ROBO2: variants seen among roughly 807,000 people sequenced by gnomAD.
The protein encoded by ROBO2 is roundabout homolog 2.
In ROBO2, 53 loss-of-function variants were observed where a neutral mutation model predicts 160.8. The observed-to-expected ratio is 0.33, with a 90% CI of 0.26 to 0.41. The LOEUF is 0.41. ROBO2 is among the 10% of genes least tolerant of loss of function. ROBO2 has a pLI of 1.00. For synonymous variants in ROBO2, 664 were observed against 611.7 expected (o/e 1.09, Z -1.26); for missense variants, 1,577 against 1,722.4 (o/e 0.92, Z 1.49).
At chr3:76,198,294 AC>A (rs1702357433) in intron 2 of ROBO2, among the ~76,000 whole-genome samples, 1 of 151,782 alleles carries the variant, frequency 6.6e-6, no homozygotes, top group South Asian at 2.1e-4. Context: ...GATCAGACAT[AC>A]CTCATCACAC....
At chr3:76,134,471 T>A (rs1285533818) in intron 2 of ROBO2, among the ~76,000 whole-genome samples, 1 of 152,084 alleles carries the variant, frequency 6.6e-6, no homozygotes, top group Non-Finnish European at 1.5e-5. Context: ...GCAGATGTAT[T>A]AAGGTTACTA....
intron 2 of ROBO2, among the ~76,000 whole-genome samples, chr3:76,536,270 A>G (rs2082496245): frequency 6.6e-6 from 1 of 152,092 alleles, no homozygotes; most frequent in Admixed American, 6.5e-5. Flanking sequence ...ACTCTTCTCT[A>G]TTGTTGAACA....
chr3:76,210,109 G>T (rs1182659408), intron 2 of ROBO2, among the ~76,000 whole-genome samples: 1 of 152,024 alleles, frequency 6.6e-6, no homozygotes, highest in Non-Finnish European at 1.5e-5. Flanking sequence ...GCATGTTACA[G>T]GAATGACAAA....
intron 2 of ROBO2, among the ~76,000 whole-genome samples, chr3:76,545,980 T>G (rs2108291547): frequency 6.6e-6 from 1 of 151,952 alleles, no homozygotes; most frequent in African/African-American, 2.4e-5. Flanking sequence ...TATTTTTTGT[T>G]GTTACTTTTT....
intron 2 of ROBO2, among the ~76,000 whole-genome samples, chr3:77,099,058 C>CG (rs1464043458): frequency 4.5e-5 from 6 of 133,582 alleles, no homozygotes; most frequent in African/African-American, 1.6e-4. Context: ...CAAAATTGTA[C>CG]TTTTCTTTCT....
At chr3:77,597,502 G>C (rs756298572) in intron 19 of ROBO2, among the ~76,000 whole-genome samples, 1 of 152,034 alleles carries the variant, frequency 6.6e-6, no homozygotes, top group African/African-American at 2.4e-5. Context: ...AGAATGATGA[G>C]AGGAGTAGGG....
rs147578459 is a variant in ROBO2 at position 76,782,571 on chromosome 3, A to G, written c.110-315443A>G. On this transcript the variant is annotated intron_variant, in intron 2 of 26. Coordinates refer to the ROBO2 transcript ENST00000487694. Reference sequence around the variant, plus strand: ...ATCATGATGCTCTAATATTGAGTGCACATATATTTATAATGGTAATGTCCA... The same window carrying G: ...ATCATGATGCTCTAATATTGAGTGCGCATATATTTATAATGGTAATGTCCA... Among the ~76,000 whole-genome samples, 727 of 150,920 alleles carry G rather than the reference A, an allele frequency of 4.8e-3. 9 individuals are homozygous for G. Among genetic ancestry groups the G allele is most frequent in the African/African-American group, 0.017 (688 of 41,372 alleles).
At chr3:77,188,983 G>GAGAGAGAGAGAAAGAGAGAGAGAA (rs2081556116) in intron 2 of ROBO2, among the ~76,000 whole-genome samples, 9 of 148,466 alleles carry the variant, frequency 6.1e-5, no homozygotes, top group African/African-American at 2.2e-4. Context: ...GAGAGAGAGA[G>GAGAGAGAGAGAAAGAGAGAGAGAA]AGAGAGAGAG....
intron 24 of ROBO2, among the ~76,000 whole-genome samples, chr3:77,639,072 T>C (rs2095310382): frequency 6.6e-6 from 1 of 151,974 alleles, no homozygotes; most frequent in East Asian, 1.9e-4. Flanking sequence ...TGAGGCTCTC[T>C]GCCCACCTCC....
intron 1 of ROBO2, among the ~76,000 whole-genome samples, chr3:75,907,688 A>G (rs1236098743): frequency 2.0e-5 from 3 of 152,188 alleles, no homozygotes; most frequent in Non-Finnish European, 2.9e-5. Context: ...TGCTATGAGA[A>G]AAGTGATGAG....
intron 2 of ROBO2, among the ~76,000 whole-genome samples, chr3:76,938,946 G>C (rs944782984): frequency 1.6e-4 from 24 of 145,512 alleles, no homozygotes; most frequent in African/African-American, 6.1e-4. Flanking sequence ...ACGCTAGCCT[G>C]GGCGACAAGA....
chr3:77,420,040 G>T (rs975877355), intron 2 of ROBO2, among the ~76,000 whole-genome samples: 2 of 152,036 alleles, frequency 1.3e-5, no homozygotes, highest in African/African-American at 4.8e-5. Flanking sequence ...CCAAATACCT[G>T]AGAACCATTG....
chr3:76,793,379 G>A (rs764991656), intron 2 of ROBO2, among the ~76,000 whole-genome samples: 3 of 151,754 alleles, frequency 2.0e-5, no homozygotes, highest in Non-Finnish European at 2.9e-5. Context: ...GAACCTGAAC[G>A]GCGTTAGCTT....
At chr3:77,187,357 G>A (rs2081374607) in intron 2 of ROBO2, among the ~76,000 whole-genome samples, 3 of 151,870 alleles carry the variant, frequency 2.0e-5, no homozygotes. Flanking sequence ...CAAAAGTTCT[G>A]ATTGGTATCC....
intron 2 of ROBO2, among the ~76,000 whole-genome samples, chr3:76,684,759 G>A (rs1560372589): frequency 2.6e-5 from 4 of 151,692 alleles, no homozygotes; most frequent in Admixed American, 6.7e-5. Context: ...AAAACTGATG[G>A]CATCTATTTA....
chr3:77,278,449 A>C (rs1397609921), intron 2 of ROBO2, among the ~76,000 whole-genome samples: 1 of 152,190 alleles, frequency 6.6e-6, no homozygotes, highest in Non-Finnish European at 1.5e-5. Flanking sequence ...CACAAAACAC[A>C]TAAACCAATT....
At position 77,562,717 on chromosome 3, in the gene ROBO2, G is replaced by T. The variant is rs562416957; in HGVS notation, c.1504G>T (p.Val502Leu). Residue 502 changes from valine (V) to leucine (L), a missense_variant, in exon 10 of 26, where the codon GTG becomes TTG. By Grantham distance (32) the Val-to-Leu change is conservative. This residue lies in a region of ROBO2 where 940 missense variants were observed against 1,135.5 expected (regional missense o/e 0.83). Coordinates refer to ENST00000461745, the Ensembl canonical transcript of ROBO2. ...AAGTGGAGAGACTTCCTGGAGTGCAGTGCTGGATGTGACAGGTGAGGACTT... is the reference window on the plus strand; with the variant it reads ...AAGTGGAGAGACTTCCTGGAGTGCATTGCTGGATGTGACAGGTGAGGACTT... 475 of 1,612,086 alleles carry T rather than the reference G, an allele frequency of 2.9e-4. 6 individuals are homozygous for T. The South Asian group carries it at 5.0e-3, about 17-fold the overall frequency.
At chr3:77,069,558 C>T (rs949851089) in intron 1 of ROBO2, among the ~76,000 whole-genome samples, 4 of 152,170 alleles carry the variant, frequency 2.6e-5, no homozygotes, top group Admixed American at 6.5e-5. Flanking sequence ...TCAGTGACTT[C>T]TAGTACTTCA....
intron 2 of ROBO2, among the ~76,000 whole-genome samples, chr3:76,544,929 G>A (rs1306447262): frequency 2.6e-5 from 4 of 151,858 alleles, no homozygotes; most frequent in Admixed American, 6.6e-5. Flanking sequence ...TTCTAGTTCG[G>A]ACTCCTATAC....
Sources: gnomAD v4.1 joint callset for allele counts (sites outside exome capture counted in the v4.1 genomes callset) on GRCh38, gnomAD v4.1.1 for gene constraint, gnomAD v4.1.1 regional missense constraint, MANE v1.5 for transcripts, NCBI Gene and HGNC (gene_info 2026-07-23, HGNC 2026-07-21) for gene names.